The following CAMK1D variants were observed in gnomAD, a reference collection of about 807,000 sequenced individuals.
The protein encoded by CAMK1D is calcium/calmodulin dependent protein kinase ID, also known as calcium/calmodulin-dependent protein kinase type 1D.
Under a neutral mutation model 47.7 loss-of-function variants are expected in CAMK1D, and 9 were observed. The observed-to-expected ratio is 0.19, with a 90% CI of 0.11 to 0.33. The LOEUF is 0.33. Ranked by LOEUF, CAMK1D falls within the 10% of genes least tolerant of loss-of-function variation. CAMK1D has a pLI of 1.00. For missense variants in CAMK1D, 291 were observed against 488.7 expected (o/e 0.60, Z 3.81); for synonymous variants, 184 against 184.9 (o/e 0.99, Z 0.04).
In CAMK1D at chr10:12,519,403, C is replaced by A. The variant is rs1350629325; in HGVS notation, c.93-33822C>A. On this transcript the variant is annotated intron_variant, in intron 1 of 10. Coordinates refer to ENST00000619168, the MANE Select transcript of CAMK1D (RefSeq NM_153498.4). Reference sequence around the variant, plus strand: ...GGGGCGGCTGGCCGACCCCCCCCCCCCCGCCTCCCTCCCGGACGGGGCGGC... The same window carrying A: ...GGGGCGGCTGGCCGACCCCCCCCCCACCGCCTCCCTCCCGGACGGGGCGGC... 1.3e-4 allele frequency among the ~76,000 whole-genome samples: 2 copies of A among 14,960 alleles called. 1 individual carries two copies. The highest frequency in any genetic ancestry group is 4.7e-3 in the East Asian group (2 of 430). The allele number at this position is 14,960 out of a possible 152,430, so 9.8% of individuals were successfully genotyped here.
In CAMK1D at chr10:12,504,129, C is replaced by G. The variant is rs113015490; in HGVS notation, c.93-49096C>G. The stretch of plus-strand genomic sequence containing the variant: ...GATGGGTGTGTGTGTGTGTGTGTGT[C>G]TGTGTGTGTGTGTGTGTGTGTGATG... On this transcript the variant is annotated intron_variant, in intron 1 of 10. Coordinates refer to ENST00000619168, the MANE Select transcript of CAMK1D (RefSeq NM_153498.4). Among the ~76,000 whole-genome samples the G allele has an allele frequency of 9.6e-3, 1,411 of 146,498 alleles. 27 individuals carry two copies. The highest frequency in any genetic ancestry group is 0.045 in the East Asian group (222 of 4,960).
At chr10:12,784,570 G>A (rs993328256) in intron 5 of CAMK1D, among the ~76,000 whole-genome samples, 1 of 152,196 alleles carries the variant, frequency 6.6e-6, no homozygotes, top group Non-Finnish European at 1.5e-5. Flanking sequence ...GGTGAATTCT[G>A]CCTCTTTTCT....
Position 12,573,893 on chromosome 10 carries a change from C to G in CAMK1D, c.224+20537C>G, listed in dbSNP as rs183875802. On this transcript the variant is annotated intron_variant, in intron 2 of 10. Transcript: ENST00000619168. ...GTCTCACTCTGCTACCCAGATTGGTCTCAAAGTCCTGGGCTCAAGTGATCC... is the reference window on the plus strand; with the variant it reads ...GTCTCACTCTGCTACCCAGATTGGTGTCAAAGTCCTGGGCTCAAGTGATCC... Among the ~76,000 whole-genome samples the G allele has an allele frequency of 7.0e-4, 80 of 114,996 alleles. 1 individual carries two copies. The Admixed American group carries it at 9.2e-3, about 13-fold the overall frequency. The allele number at this position is 114,996 out of a possible 152,430, so 75.4% of individuals were successfully genotyped here.
chr10:12,452,174 A>G (rs1833103544), intron 1 of CAMK1D, among the ~76,000 whole-genome samples: 1 of 152,170 alleles, frequency 6.6e-6, no homozygotes, highest in Non-Finnish European at 1.5e-5. Flanking sequence ...GGAACCCGAC[A>G]ATGACCTTTG....
chr10:12,362,331 G>A (rs1390263849), intron 1 of CAMK1D, among the ~76,000 whole-genome samples: 3 of 152,116 alleles, frequency 2.0e-5, no homozygotes, highest in Admixed American at 2.0e-4. Flanking sequence ...CCACATAGAA[G>A]TAGAATCATG....
At chr10:12,449,938 C>T (rs1046378445) in intron 1 of CAMK1D, among the ~76,000 whole-genome samples, 16 of 152,086 alleles carry the variant, frequency 1.1e-4, no homozygotes, top group Admixed American at 8.5e-4. Context: ...GCAGAGGTTG[C>T]AGTGAGCCGA....
chr10:12,834,485 T>C lies in CAMK1D; in HGVS notation c.*5598T>C, dbSNP rs1467088512. The C allele has an allele frequency of 6.6e-6, 1 of 151,944 alleles. No individual in the cohort carries two copies. The highest frequency in any genetic ancestry group is 1.9e-4 in the East Asian group (1 of 5,174). 9.4% of individuals were successfully genotyped at this position (151,944 alleles called of 1,614,324 possible). On this transcript the variant is annotated 3_prime_UTR_variant, in exon 11 of 11. Coordinates refer to ENST00000619168, the MANE Select transcript of CAMK1D (RefSeq NM_153498.4). ...CAGCATGCGGCTGCCGAGTCTGGTTTTGTGGACAAAGCAAACTGTGGAATG... is the reference window on the plus strand; with the variant it reads ...CAGCATGCGGCTGCCGAGTCTGGTTCTGTGGACAAAGCAAACTGTGGAATG...
At chr10:12,374,232 C>T (rs1195045986) in intron 1 of CAMK1D, among the ~76,000 whole-genome samples, 1 of 135,516 alleles carries the variant, frequency 7.4e-6, no homozygotes, top group African/African-American at 2.8e-5. Context: ...TGCACTCCAG[C>T]CTTGTGACAG....
chr10:12,787,065 G>A (rs977329771), intron 5 of CAMK1D, among the ~76,000 whole-genome samples: 3 of 152,216 alleles, frequency 2.0e-5, no homozygotes, highest in Non-Finnish European at 4.4e-5. Flanking sequence ...AGAGGTTGCA[G>A]TGAATTGAGA....
intron 2 of CAMK1D, among the ~76,000 whole-genome samples, chr10:12,609,279 C>T (rs72771745): frequency 0.046 from 6,943 of 152,104 alleles, 212 homozygotes; most frequent in Non-Finnish European, 0.068. Flanking sequence ...TGTAGAGCAT[C>T]GCTCCCCAAT....
At chr10:12,600,023 T>G (rs542741183) in intron 2 of CAMK1D, among the ~76,000 whole-genome samples, 2 of 152,294 alleles carry the variant, frequency 1.3e-5, no homozygotes, top group Admixed American at 1.3e-4. Context: ...GAGGATCACT[T>G]GAGCTCAGGA....
chr10:12,556,323 C>T (rs2815625), intron 2 of CAMK1D, among the ~76,000 whole-genome samples: 13 of 151,968 alleles, frequency 8.6e-5, no homozygotes, highest in Non-Finnish European at 1.8e-4. Flanking sequence ...TGCAGCAGGC[C>T]GCACTGCTGG....
At chr10:12,615,918 GTGTGTGTA>G (rs1195281722) in intron 2 of CAMK1D, among the ~76,000 whole-genome samples, 1 of 151,288 alleles carries the variant, frequency 6.6e-6, no homozygotes, top group Non-Finnish European at 1.5e-5. Context: ...GTGTGTATAG[GTGTGTGTA>G]TGTGTGTTTG....
At chr10:12,758,216 C>A (rs1836325621) in intron 3 of CAMK1D, among the ~76,000 whole-genome samples, 1 of 152,120 alleles carries the variant, frequency 6.6e-6, no homozygotes, top group African/African-American at 2.4e-5. Context: ...GCCATCATCA[C>A]ATTGGGAATT....
chr10:12,553,411 T>G, intron 2 of CAMK1D, 55 bp downstream of exon 2: 3 of 1,449,008 alleles, frequency 2.1e-6, no homozygotes, highest in Non-Finnish European at 2.9e-6. Context: ...CCGTGTGTCC[T>G]GCAGGAGTCC....
At chr10:12,388,823 A>C (rs1838616791) in intron 1 of CAMK1D, among the ~76,000 whole-genome samples, 2 of 152,188 alleles carry the variant, frequency 1.3e-5, no homozygotes, top group Admixed American at 6.5e-5. Context: ...CCGCTTAGGA[A>C]GTCGTGAGAT....
At chr10:12,582,157 C>CT (rs1837683008) in intron 2 of CAMK1D, among the ~76,000 whole-genome samples, 1 of 152,078 alleles carries the variant, frequency 6.6e-6, no homozygotes, top group Non-Finnish European at 1.5e-5. Flanking sequence ...CATTTCCCCA[C>CT]TTTATGTTTT....
At chr10:12,373,999 C>T (rs1444495818) in intron 1 of CAMK1D, among the ~76,000 whole-genome samples, 1 of 146,104 alleles carries the variant, frequency 6.8e-6, no homozygotes, top group East Asian at 2.0e-4. Flanking sequence ...GTGACTCATG[C>T]CTGTAATCCT....
rs1833475814 is a variant in CAMK1D, at chr10:12,834,601, C to T, written c.*5714C>T. On this transcript the variant is annotated 3_prime_UTR_variant, in exon 11 of 11. Coordinates refer to ENST00000619168, the MANE Select transcript of CAMK1D (RefSeq NM_153498.4). The stretch of plus-strand genomic sequence containing the variant: ...TGCATTCGCCATATCCGTTTTTTAA[C>T]CTTTTTGTCTCCGGGGAACTTCTCA... 6.6e-6 allele frequency: 1 copy of T among 152,064 alleles called. No homozygotes were observed. Among genetic ancestry groups the T allele is most frequent in the Non-Finnish European group, 1.5e-5 (1 of 68,026 alleles). 9.4% of individuals were successfully genotyped at this position (152,064 alleles called of 1,614,324 possible).
Sources: allele counts gnomAD v4.1 joint callset (sites outside exome capture counted in the v4.1 genomes callset), GRCh38; gene constraint gnomAD v4.1.1; transcripts MANE v1.5; gene names NCBI Gene and HGNC (gene_info 2026-07-23, HGNC 2026-07-21).